PTPRD: variants seen among roughly 807,000 people sequenced by gnomAD.
The protein encoded by PTPRD is receptor-type tyrosine-protein phosphatase delta.
Under a neutral mutation model 214.5 loss-of-function variants are expected in PTPRD, and 34 were observed. That is an observed-to-expected ratio of 0.16 (90% CI 0.12 to 0.21). The LOEUF is 0.21. Among genes scored for constraint, PTPRD ranks in the 10% least tolerant of loss-of-function variants. The probability of loss-of-function intolerance (pLI) is 1.00; values close to 1 mark genes in which losing one functional copy is unlikely to be tolerated. For synonymous variants in PTPRD, 1,128 were observed against 845.7 expected, an observed-to-expected ratio of 1.33 and a Z score of -5.79; for missense variants, 2,545 against 2,398.7, an observed-to-expected ratio of 1.06 and a Z score of -1.27.
chr9:9,209,779 AT>A (rs1164333834), intron 9 of PTPRD, among the ~76,000 whole-genome samples: 3 of 152,192 alleles, frequency 2.0e-5, no homozygotes, highest in Non-Finnish European at 4.4e-5. Flanking sequence ...AAAAATATAT[AT>A]CCTGTCTCAG....
Position 10,174,479 on chromosome 9 carries a change from G to C in PTPRD, c.-544-140689C>G, listed in dbSNP as rs941335613. Among the ~76,000 whole-genome samples the C allele has an allele frequency of 3.3e-5, 5 of 152,102 alleles. No individual in the cohort carries two copies. The South Asian group carries it at 1.0e-3, about 32-fold the overall frequency. On this transcript the variant is annotated intron_variant, in intron 3 of 45. Coordinates refer to ENST00000381196, the MANE Select transcript of PTPRD (RefSeq NM_002839.4). ...CAATTTTTAACTTTTGGAGACATCAGAATTGTGAGCCAAAGAAACTTTTAA... is the reference window on the plus strand; with the variant it reads ...CAATTTTTAACTTTTGGAGACATCACAATTGTGAGCCAAAGAAACTTTTAA...
At chr9:9,177,094 GT>G (rs1569559021) in intron 10 of PTPRD, among the ~76,000 whole-genome samples, 1 of 152,130 alleles carries the variant, frequency 6.6e-6, no homozygotes, top group Admixed American at 6.6e-5. Flanking sequence ...TTGACTCACA[GT>G]TTAGCATGGT....
intron 5 of PTPRD, among the ~76,000 whole-genome samples, chr9:9,866,958 C>T (rs1231013300): frequency 6.6e-6 from 1 of 151,984 alleles, no homozygotes; most frequent in Admixed American, 6.6e-5. Context: ...CTAATTTGTT[C>T]TTTCATATTT....
chr9:9,813,472 A>T (rs1254290443), intron 5 of PTPRD, among the ~76,000 whole-genome samples: 1 of 152,058 alleles, frequency 6.6e-6, no homozygotes, highest in Non-Finnish European at 1.5e-5. Flanking sequence ...AATACAAAAG[A>T]TTATAGCAGG....
chr9:10,026,358 T>A (rs1053382923), intron 4 of PTPRD, among the ~76,000 whole-genome samples: 4 of 152,162 alleles, frequency 2.6e-5, no homozygotes, highest in African/African-American at 9.7e-5. Flanking sequence ...AGTCTCAACA[T>A]TAAATAACCA....
chr9:9,761,948 G>C (rs908822957), intron 6 of PTPRD, among the ~76,000 whole-genome samples: 13 of 152,148 alleles, frequency 8.5e-5, no homozygotes, highest in African/African-American at 2.9e-4. Flanking sequence ...GCTTGGGCTG[G>C]CTTAACAAAA....
intron 3 of PTPRD, among the ~76,000 whole-genome samples, chr9:10,277,097 C>T (rs1258151909): frequency 6.6e-6 from 1 of 152,114 alleles, no homozygotes; most frequent in Non-Finnish European, 1.5e-5. Flanking sequence ...ATGTTTATAG[C>T]CTAGTTATAG....
At chr9:9,267,699 C>G (rs554630601) in intron 9 of PTPRD, among the ~76,000 whole-genome samples, 27 of 151,096 alleles carry the variant, frequency 1.8e-4, no homozygotes, top group Non-Finnish European at 3.9e-4. Context: ...TGATATTTAT[C>G]CCTGGAATGC....
chr9:8,759,879 C>T (rs746138619), intron 11 of PTPRD, among the ~76,000 whole-genome samples: 4 of 152,146 alleles, frequency 2.6e-5, no homozygotes, highest in African/African-American at 7.2e-5. Flanking sequence ...TTCCTGGACT[C>T]GTGTTTGTTT....
chr9:10,242,022 T>G (rs1003047889), intron 3 of PTPRD, among the ~76,000 whole-genome samples: 26 of 151,730 alleles, frequency 1.7e-4, no homozygotes, highest in African/African-American at 5.6e-4. Flanking sequence ...AGCACTGGAG[T>G]AAAAGGCTAA....
At chr9:9,614,078 A>T (rs931168602) in intron 7 of PTPRD, among the ~76,000 whole-genome samples, 4 of 152,066 alleles carry the variant, frequency 2.6e-5, no homozygotes, top group African/African-American at 7.2e-5. Context: ...TATAATAAAT[A>T]ATCAATTGTT....
intron 5 of PTPRD, among the ~76,000 whole-genome samples, chr9:9,802,677 C>A (rs1019588940): frequency 6.6e-6 from 1 of 151,640 alleles, no homozygotes; most frequent in South Asian, 2.1e-4. Flanking sequence ...CTCTCCATAC[C>A]CAGTATCCAG....
At chr9:9,993,932 T>C (rs1477914118) in intron 4 of PTPRD, among the ~76,000 whole-genome samples, 1 of 152,222 alleles carries the variant, frequency 6.6e-6, no homozygotes, top group East Asian at 1.9e-4. Context: ...AAACCATCTT[T>C]TAGAGTACTA....
At chr9:9,597,249 T>A (rs2093422708) in intron 7 of PTPRD, among the ~76,000 whole-genome samples, 1 of 151,846 alleles carries the variant, frequency 6.6e-6, no homozygotes, top group Non-Finnish European at 1.5e-5. Flanking sequence ...CAGGATATCA[T>A]CCCATCAAAG....
chr9:9,789,791 T>C (rs1284034137), intron 5 of PTPRD, among the ~76,000 whole-genome samples: 3 of 16,792 alleles, frequency 1.8e-4, no homozygotes, highest in Admixed American at 6.6e-4. Context: ...AGCCAAACTC[T>C]GTCTCAAAAA....
At chr9:8,706,942 G>A (rs1023341535) in intron 12 of PTPRD, among the ~76,000 whole-genome samples, 5 of 152,162 alleles carry the variant, frequency 3.3e-5, no homozygotes, top group South Asian at 2.1e-4. Flanking sequence ...ATGAAGAGGC[G>A]AATGAAGAAC....
intron 33 of PTPRD, among the ~76,000 whole-genome samples, chr9:8,457,226 A>G (rs2096241611): frequency 6.6e-6 from 1 of 152,148 alleles, no homozygotes; most frequent in Admixed American, 6.5e-5. Context: ...GCAACCAGCT[A>G]GTCACAGAAC....
intron 3 of PTPRD, among the ~76,000 whole-genome samples, chr9:10,134,806 A>C (rs536016594): frequency 1.3e-5 from 2 of 152,286 alleles, no homozygotes; most frequent in South Asian, 4.1e-4. Context: ...ACGGCAATTC[A>C]AAAAGTCAGC....
Position 9,243,628 on chromosome 9 carries a change from T to A in PTPRD, c.-202-60265A>T, listed in dbSNP as rs187097894. Among the ~76,000 whole-genome samples the A allele has an allele frequency of 5.7e-4, 87 of 152,280 alleles. 1 individual carries two copies. Among genetic ancestry groups the A allele is most frequent in the African/African-American group, 1.9e-3 (81 of 41,568 alleles). ...AAACTCTCAATAAACTAGGTATTGA[T>A]GGAACGTATCTGAAAATAATAAGAG... On this transcript the variant is annotated intron_variant, in intron 9 of 45. Coordinates refer to ENST00000381196, the MANE Select transcript of PTPRD (RefSeq NM_002839.4).
Sources: allele counts gnomAD v4.1 joint callset (sites outside exome capture counted in the v4.1 genomes callset), GRCh38; gene constraint gnomAD v4.1.1; transcripts MANE v1.5; gene names NCBI Gene and HGNC (gene_info 2026-07-23, HGNC 2026-07-21).